The following PALM2AKAP2 variants were observed in gnomAD, a reference collection of about 807,000 sequenced individuals.
The protein encoded by PALM2AKAP2 is PALM2 and AKAP2 fusion.
A neutral mutation model predicts 71.5 loss-of-function variants in PALM2AKAP2; 37 were observed. The ratio of observed to expected loss-of-function variants is 0.52; its 90% CI spans 0.40 to 0.68. The LOEUF (loss-of-function observed/expected upper bound fraction) is 0.68, where lower values mean the gene tolerates loss of function less well. PALM2AKAP2 is among the 30% of genes least tolerant of loss of function. PALM2AKAP2 has a pLI of 0.00. For synonymous variants in PALM2AKAP2, 468 were observed against 478.8 expected (o/e 0.98, Z 0.29); for missense variants, 1,224 against 1,191.8 (o/e 1.03, Z -0.40).
In PALM2AKAP2 at chr9:110,018,245, A is replaced by G. The variant is rs184631901; in HGVS notation, c.582+2206A>G. On this transcript the variant is annotated intron_variant, in intron 7 of 9. Transcript: ENST00000302798. ...ATTTCTTTTACCCCTGCCCTACCCCAGGAAGATTTTTCATCCATAAGAACT... is the reference window on the plus strand; with the variant it reads ...ATTTCTTTTACCCCTGCCCTACCCCGGGAAGATTTTTCATCCATAAGAACT... Among the ~76,000 whole-genome samples the G allele has an allele frequency of 4.9e-3, 750 of 152,316 alleles. 3 individuals are homozygous for G. The highest frequency in any genetic ancestry group is 7.2e-3 in the Non-Finnish European group (490 of 68,030).
At chr9:109,734,279 G>C (rs1828597386) in intron 1 of PALM2AKAP2, among the ~76,000 whole-genome samples, 1 of 151,802 alleles carries the variant, frequency 6.6e-6, no homozygotes, top group Non-Finnish European at 1.5e-5. Flanking sequence ...AATCAATCTA[G>C]ACTATCACTT....
At chr9:109,931,903 G>T in intron 5 of PALM2AKAP2, 24 bp from the exon 6 acceptor site, 2 of 1,611,726 alleles carry the variant, frequency 1.2e-6, no homozygotes, top group Non-Finnish European at 1.7e-6. Flanking sequence ...GTGACTAATT[G>T]TATTCCCTGT....
At chr9:109,733,542 T>C (rs1828586123) in intron 1 of PALM2AKAP2, among the ~76,000 whole-genome samples, 1 of 152,184 alleles carries the variant, frequency 6.6e-6, no homozygotes, top group Admixed American at 6.5e-5. Flanking sequence ...CCTTCCGTAG[T>C]CCTTACTTCG....
intron 5 of PALM2AKAP2, among the ~76,000 whole-genome samples, chr9:109,927,745 C>G (rs1394582379): frequency 6.6e-6 from 1 of 152,202 alleles, no homozygotes; most frequent in African/African-American, 2.4e-5. Flanking sequence ...CACCCACTCT[C>G]CTCCCCCGCC....
intron 3 of PALM2AKAP2, among the ~76,000 whole-genome samples, chr9:109,894,114 A>G (rs1830147494): frequency 6.6e-6 from 1 of 151,928 alleles, no homozygotes; most frequent in Non-Finnish European, 1.5e-5. Flanking sequence ...AGGCAGGTGG[A>G]TCACCTGAGG....
chr9:109,851,469 G>A (rs1347558948), intron 1 of PALM2AKAP2, among the ~76,000 whole-genome samples: 2 of 152,164 alleles, frequency 1.3e-5, no homozygotes, highest in Non-Finnish European at 1.5e-5. Flanking sequence ...CACTTACATG[G>A]TATTAATAGC....
At chr9:109,904,429 A>G (rs1452594337) in intron 3 of PALM2AKAP2, among the ~76,000 whole-genome samples, 1 of 152,202 alleles carries the variant, frequency 6.6e-6, no homozygotes, top group Non-Finnish European at 1.5e-5. Flanking sequence ...TAATTTTCTT[A>G]TGTGCTCAGG....
At chr9:109,863,032 G>T (rs1829357062) in intron 1 of PALM2AKAP2, 1 of 457,850 alleles carries the variant, frequency 2.2e-6, no homozygotes, top group Admixed American at 2.4e-5. Flanking sequence ...GCAATGGGGA[G>T]ACATCCTTGG....
At chr9:109,644,421 G>A (rs1347831602) in intron 1 of PALM2AKAP2, among the ~76,000 whole-genome samples, 2 of 151,990 alleles carry the variant, frequency 1.3e-5, no homozygotes, top group Non-Finnish European at 2.9e-5. Context: ...ATTAAAAGAG[G>A]GAATTAAATT....
At chr9:109,717,592 G>T (rs1000027258) in intron 1 of PALM2AKAP2, among the ~76,000 whole-genome samples, 1 of 152,182 alleles carries the variant, frequency 6.6e-6, no homozygotes, top group Admixed American at 6.5e-5. Context: ...AGCACTAGAC[G>T]CCATAGAAGG....
chr9:109,756,077 A>G (rs1277290222), intron 1 of PALM2AKAP2, among the ~76,000 whole-genome samples: 2 of 152,268 alleles, frequency 1.3e-5, no homozygotes, highest in South Asian at 2.1e-4. Context: ...ACCTAAATCA[A>G]TGGGTATATA....
chr9:109,666,463 G>C (rs1241840830), intron 1 of PALM2AKAP2, among the ~76,000 whole-genome samples: 2 of 152,198 alleles, frequency 1.3e-5, no homozygotes, highest in Non-Finnish European at 2.9e-5. Flanking sequence ...TATAGGCCCA[G>C]GTGAATGAAT....
At chr9:109,720,028 A>C in intron 1 of PALM2AKAP2, among the ~76,000 whole-genome samples, 1 of 151,186 alleles carries the variant, frequency 6.6e-6, no homozygotes, top group South Asian at 2.1e-4. Flanking sequence ...TCACTCTGTC[A>C]CCCAGGCTAG....
At chr9:109,749,544 A>G (rs1350725955) in intron 1 of PALM2AKAP2, among the ~76,000 whole-genome samples, 5 of 87,400 alleles carry the variant, frequency 5.7e-5, no homozygotes, top group East Asian at 7.1e-4. Context: ...ATGTGTTTTC[A>G]TAGGTTAGAA....
At chr9:109,918,016 A>C (rs1469731705) in intron 3 of PALM2AKAP2, among the ~76,000 whole-genome samples, 1 of 152,164 alleles carries the variant, frequency 6.6e-6, no homozygotes, top group Non-Finnish European at 1.5e-5. Flanking sequence ...TCCCCACCAC[A>C]CACTCCCAGG....
chr9:110,066,999 T>C (rs1486053464), intron 1 of PALM2AKAP2, among the ~76,000 whole-genome samples: 1 of 152,186 alleles, frequency 6.6e-6, no homozygotes, highest in East Asian at 1.9e-4. Context: ...GCTCTTCATT[T>C]GGTTTTATCA....
intron 2 of PALM2AKAP2, among the ~76,000 whole-genome samples, chr9:109,876,520 C>G: frequency 6.6e-6 from 1 of 152,046 alleles, no homozygotes; most frequent in East Asian, 1.9e-4. Context: ...GCTCTGTTGC[C>G]CAGGTTGGAG....
chr9:109,929,635 C>T (rs753717847), intron 5 of PALM2AKAP2, among the ~76,000 whole-genome samples: 9 of 151,924 alleles, frequency 5.9e-5, no homozygotes, highest in Non-Finnish European at 1.0e-4. Flanking sequence ...GAGGCCGAGG[C>T]GGGCGGATCA....
At chr9:109,747,037 A>G (rs193032101) in intron 1 of PALM2AKAP2, among the ~76,000 whole-genome samples, 105 of 152,364 alleles carry the variant, frequency 6.9e-4, no homozygotes, top group Non-Finnish European at 8.7e-4. Flanking sequence ...AAATTACACC[A>G]TAAACACAAG....
Sources: gnomAD v4.1 joint callset for allele counts (sites outside exome capture counted in the v4.1 genomes callset) on GRCh38, gnomAD v4.1.1 for gene constraint, MANE v1.5 for transcripts, NCBI Gene and HGNC (gene_info 2026-07-23, HGNC 2026-07-21) for gene names.